The following NAALADL2 variants were observed in gnomAD, a reference collection of about 807,000 sequenced individuals.
NAALADL2 encodes the protein inactive N-acetylated-alpha-linked acidic dipeptidase-like protein 2.
NAALADL2 carries 76 observed loss-of-function variants against 87.2 expected under a neutral mutation model. That is an observed-to-expected ratio of 0.87 (90% CI 0.72 to 1.05). The LOEUF (loss-of-function observed/expected upper bound fraction) is 1.05, where lower values mean the gene tolerates loss of function less well. Among genes scored for constraint, NAALADL2 ranks in the 50% least tolerant of loss-of-function variants. NAALADL2 has a pLI of 0.00. For synonymous variants in NAALADL2, 354 were observed against 331.0 expected, an observed-to-expected ratio of 1.07 and a Z score of -0.75; for missense variants, 1,089 against 945.8, an observed-to-expected ratio of 1.15 and a Z score of -1.99.
chr3:175,425,062 G>A (rs1422375423), intron 5 of NAALADL2, among the ~76,000 whole-genome samples: 3 of 152,098 alleles, frequency 2.0e-5, no homozygotes, highest in Non-Finnish European at 4.4e-5. Context: ...TATTGAACTT[G>A]GAGATTGGTG....
chr3:175,536,071 G>A (rs189561882), intron 9 of NAALADL2, among the ~76,000 whole-genome samples: 1 of 152,242 alleles, frequency 6.6e-6, no homozygotes, highest in African/African-American at 2.4e-5. Flanking sequence ...ATCTGCACAT[G>A]GGCTTTCAAA....
At chr3:174,939,186 A>G (rs190612460) in intron 1 of NAALADL2, among the ~76,000 whole-genome samples, 14 of 152,142 alleles carry the variant, frequency 9.2e-5, no homozygotes, top group Admixed American at 5.9e-4. Flanking sequence ...ATTTTTGTAT[A>G]TGGTGTAAGA....
chr3:174,786,957 A>G lies in NAALADL2; in HGVS notation c.-9+49211A>G, dbSNP rs921595696. ...TCATGGTGATTGTTACATGATGTACAAAAAAAATTATACAAATCAGATAAA... is the reference window on the plus strand; with the variant it reads ...TCATGGTGATTGTTACATGATGTACGAAAAAAATTATACAAATCAGATAAA... On this transcript the variant is annotated intron_variant, in intron 3 of 3. Transcript: ENST00000434257. Among the ~76,000 whole-genome samples the G allele has an allele frequency of 2.6e-5, 4 of 151,900 alleles. No homozygotes were observed. The South Asian group carries it at 6.2e-4, about 24-fold the overall frequency.
chr3:175,472,536 A>G (rs1335063857), intron 9 of NAALADL2, among the ~76,000 whole-genome samples: 2 of 152,142 alleles, frequency 1.3e-5, no homozygotes, highest in African/African-American at 4.8e-5. Flanking sequence ...ATTGGAACCA[A>G]TCTTTCAGAT....
At chr3:175,327,445 G>A (rs542021311) in intron 5 of NAALADL2, among the ~76,000 whole-genome samples, 70 of 152,154 alleles carry the variant, frequency 4.6e-4, no homozygotes, top group Admixed American at 1.8e-3. Context: ...GTGAGCCACC[G>A]CACCCTGCCT....
intron 1 of NAALADL2, among the ~76,000 whole-genome samples, chr3:174,908,455 G>T (rs1733252830): frequency 6.6e-6 from 1 of 152,054 alleles, no homozygotes; most frequent in African/African-American, 2.4e-5. Context: ...GTCAACGATG[G>T]CTCTAGAAAC....
At chr3:175,108,202 C>T (rs962107905) in intron 2 of NAALADL2, among the ~76,000 whole-genome samples, 3 of 151,872 alleles carry the variant, frequency 2.0e-5, no homozygotes, top group Non-Finnish European at 4.4e-5. Context: ...TGTAACTTGT[C>T]CCCTGTGGAA....
rs552953539 is a variant in NAALADL2, at chr3:175,604,060, C to T, written c.1801-23231C>T. Among the ~76,000 whole-genome samples the T allele has an allele frequency of 5.9e-5, 9 of 152,050 alleles. No homozygotes were observed. The South Asian group carries it at 1.9e-3, about 32-fold the overall frequency. On this transcript the variant is annotated intron_variant, in intron 10 of 13. Transcript: ENST00000454872. ...CTTTCAGTTCTTTGGGGTATATATC[C>T]AGAAGTAGAATTTCTGAATCATATT... is the stretch of plus-strand genomic sequence containing the variant.
At chr3:175,314,690 A>C (rs1407022708) in intron 4 of NAALADL2, among the ~76,000 whole-genome samples, 3 of 51,470 alleles carry the variant, frequency 5.8e-5, no homozygotes, top group African/African-American at 1.6e-4. Context: ...ATATATATAT[A>C]TATATATATA....
At position 175,389,185 on chromosome 3, in the gene NAALADL2, C is replaced by A. The variant is rs571634941; in HGVS notation, c.1091-58044C>A. 2.0e-5 allele frequency among the ~76,000 whole-genome samples: 3 copies of A among 152,132 alleles called. No individual in the cohort carries two copies. In the East Asian group the frequency reaches 5.8e-4, roughly 29 times the overall value. Reference sequence around the variant, plus strand: ...AGTTATAAATTACTAAAATTAAAGACAGTGTACAGTTGGAATTTTATAAGG... The same window carrying A: ...AGTTATAAATTACTAAAATTAAAGAAAGTGTACAGTTGGAATTTTATAAGG... On this transcript the variant is annotated intron_variant, in intron 5 of 13. Coordinates refer to ENST00000454872, the MANE Select transcript of NAALADL2 (RefSeq NM_207015.3).
intron 13 of NAALADL2, among the ~76,000 whole-genome samples, chr3:175,797,625 G>C (rs982258650): frequency 6.6e-6 from 1 of 151,984 alleles, no homozygotes; most frequent in Non-Finnish European, 1.5e-5. Flanking sequence ...CTGGCTATTG[G>C]TCAGTTCCTA....
chr3:174,687,856 G>A (rs1244934274), intron 2 of NAALADL2, among the ~76,000 whole-genome samples: 1 of 151,942 alleles, frequency 6.6e-6, no homozygotes, highest in African/African-American at 2.4e-5. Context: ...ATATCTGATG[G>A]TTTTATAATG....
intron 4 of NAALADL2, among the ~76,000 whole-genome samples, chr3:175,315,867 G>C (rs564236114): frequency 5.3e-4 from 80 of 152,082 alleles, no homozygotes; most frequent in African/African-American, 1.9e-3. Context: ...CTATTTTAAG[G>C]CTTTTTTAAC....
intron 2 of NAALADL2, among the ~76,000 whole-genome samples, chr3:175,098,312 A>G (rs1333911580): frequency 6.6e-6 from 1 of 152,200 alleles, no homozygotes; most frequent in African/African-American, 2.4e-5. Context: ...TGTATCATTC[A>G]GGACCCAGTG....
Position 175,096,935 on chromosome 3 carries a change from A to G in NAALADL2, c.189A>G (p.Gln63=), listed in dbSNP as rs748594320. The change falls in exon 2 of 14, where the codon CAA becomes CAG. Residue 63 remains glutamine (Q), a synonymous_variant. Transcript: ENST00000454872. ...EKELEESGFD[Q]FQLDGAENQN... ...AACTAGAGGAGTCTGGTTTTGACCA[A>G]TTCCAGCTAGACGGTGCTGAGAATC... 1.1e-5 allele frequency: 17 copies of G among 1,613,426 alleles called. No individual in the cohort carries two copies. The highest frequency in any genetic ancestry group is 1.4e-5 in the Non-Finnish European group (16 of 1,179,650).
At chr3:175,572,328 T>A (rs1168610853) in intron 9 of NAALADL2, among the ~76,000 whole-genome samples, 1 of 151,966 alleles carries the variant, frequency 6.6e-6, no homozygotes, top group Non-Finnish European at 1.5e-5. Context: ...GAGATGTAGT[T>A]TAATAGATCT....
intron 5 of NAALADL2, among the ~76,000 whole-genome samples, chr3:175,435,714 G>T (rs908269488): frequency 6.6e-6 from 1 of 151,912 alleles, no homozygotes; most frequent in African/African-American, 2.4e-5. Flanking sequence ...AAACATAAAA[G>T]AAAAATATTT....
chr3:175,293,053 AAAAAAAAAAAG>A (rs1755859674), intron 4 of NAALADL2, among the ~76,000 whole-genome samples: 1 of 150,104 alleles, frequency 6.7e-6, no homozygotes, highest in Non-Finnish European at 1.5e-5. Flanking sequence ...AAAAAAAAAA[AAAAAAAAAAAG>A]GGGGAACTCG....
In NAALADL2 at chr3:174,840,046, G is replaced by A. The variant is rs374822200; in HGVS notation, c.-9+102300G>A. On this transcript the variant is annotated intron_variant, in intron 3 of 3. Transcript: ENST00000434257. Reference sequence around the variant, plus strand: ...AAGTCATTATATGAAAAAGATACTTGCACATGCATTTATATAGCAGCACAA... The same window carrying A: ...AAGTCATTATATGAAAAAGATACTTACACATGCATTTATATAGCAGCACAA... 2.5e-4 allele frequency among the ~76,000 whole-genome samples: 38 copies of A among 151,988 alleles called. 1 individual carries two copies. In the East Asian group the frequency reaches 5.0e-3, roughly 20 times the overall value.
Sources: gnomAD v4.1 joint callset for allele counts (sites outside exome capture counted in the v4.1 genomes callset) on GRCh38, gnomAD v4.1.1 for gene constraint, MANE v1.5 for transcripts, NCBI Gene and HGNC (gene_info 2026-07-23, HGNC 2026-07-21) for gene names.